Variants in NUDT3 observed in about 807,000 individuals in gnomAD.
The protein encoded by NUDT3 is nudix hydrolase 3.
NUDT3 carries 9 observed loss-of-function variants against 23.6 expected under a neutral mutation model. The ratio of observed to expected loss-of-function variants is 0.38; its 90% CI spans 0.23 to 0.66. NUDT3 has a LOEUF of 0.66. Ranked by LOEUF, NUDT3 falls within the 30% of genes least tolerant of loss-of-function variation. The pLI is 0.52. For synonymous variants in NUDT3, 86 were observed against 82.6 expected, an observed-to-expected ratio of 1.04 and a Z score of -0.22; for missense variants, 172 against 218.5, an observed-to-expected ratio of 0.79 and a Z score of 1.34.
chr6:34,304,873 T>C (rs1000166389), intron 2 of NUDT3, among the ~76,000 whole-genome samples: 1 of 150,536 alleles, frequency 6.6e-6, no homozygotes, highest in African/African-American at 2.4e-5. Context: ...GGTCTCACTA[T>C]ATTGCCCAGG....
rs180854293 is a variant in NUDT3, at chr6:34,362,360, G to A, written c.100-20388C>T. Among the ~76,000 whole-genome samples the A allele has an allele frequency of 2.6e-5, 4 of 152,104 alleles. No homozygotes were observed. The East Asian group carries it at 7.7e-4, about 29-fold the overall frequency. ...CACCTGGCTAATTTTATTTTTTGTA[G>A]AGATGGGGTCTTGCTACATTGCCCA... On this transcript the variant is annotated intron_variant, in intron 1 of 4. Transcript: ENST00000607016.
chr6:34,332,711 G>A (rs77919042), intron 2 of NUDT3, among the ~76,000 whole-genome samples: 94 of 152,216 alleles, frequency 6.2e-4, no homozygotes, highest in Non-Finnish European at 1.2e-3. Context: ...CTTGAGCATC[G>A]GCAGATTTTT....
At chr6:34,343,085 T>C (rs995610678) in intron 1 of NUDT3, among the ~76,000 whole-genome samples, 1 of 152,190 alleles carries the variant, frequency 6.6e-6, no homozygotes, top group Non-Finnish European at 1.5e-5. Context: ...CATGAATCCA[T>C]ACTCAGTCAC....
chr6:34,354,734 A>T (rs985654727), intron 1 of NUDT3, among the ~76,000 whole-genome samples: 1 of 122,586 alleles, frequency 8.2e-6, no homozygotes, highest in African/African-American at 3.0e-5. Flanking sequence ...GGGGGGAAAA[A>T]GTATATATAT....
At chr6:34,330,995 C>A (rs923585684) in intron 2 of NUDT3, among the ~76,000 whole-genome samples, 2 of 152,186 alleles carry the variant, frequency 1.3e-5, no homozygotes, top group Non-Finnish European at 2.9e-5. Context: ...GCTGGGACTA[C>A]AGGCACATGC....
intron 2 of NUDT3, among the ~76,000 whole-genome samples, chr6:34,327,528 C>CAAAAA (rs60757572): frequency 1.1e-5 from 1 of 94,112 alleles, no homozygotes; most frequent in East Asian, 2.6e-4. Context: ...GACTCCGCCT[C>CAAAAA]AAAAAAAAAA....
chr6:34,370,546 T>A, intron 1 of NUDT3, among the ~76,000 whole-genome samples: 1 of 152,286 alleles, frequency 6.6e-6, no homozygotes. Context: ...GGGTTCAGGA[T>A]GTGGGGTCAG....
chr6:34,392,528 T>G lies in NUDT3; in HGVS notation c.-166A>C. 9.1e-5 allele frequency: 42 copies of G among 462,838 alleles called. No homozygotes were observed. The highest frequency in any genetic ancestry group is 2.9e-4 in the East Asian group (7 of 24,168). 28.7% of individuals were successfully genotyped at this position (462,838 alleles called of 1,614,324 possible). A position where few individuals can be genotyped will look rare whatever the true frequency, so the allele number is the denominator to read the frequency against. On this transcript the variant is annotated 5_prime_UTR_variant, in exon 1 of 5. It removes an upstream start codon present in the reference 5' UTR. Transcript: ENST00000607016. Reference sequence around the variant, plus strand: ...CCGCTGGCCCGCCGCGGCCGCCTCATTCCCCCAGGCCCAGGTCCCGCGCCG... The same window carrying G: ...CCGCTGGCCCGCCGCGGCCGCCTCAGTCCCCCAGGCCCAGGTCCCGCGCCG...
Position 34,380,843 on chromosome 6 carries a change from C to T in NUDT3, c.99+11421G>A, listed in dbSNP as rs142087431. On this transcript the variant is annotated intron_variant, in intron 1 of 4. Transcript: ENST00000607016. Reference sequence around the variant, plus strand: ...TGCATATCTGGGCCTCTGACTTAGACGGCCCAGTGTCCTTCACCTAGGATA... The same window carrying T: ...TGCATATCTGGGCCTCTGACTTAGATGGCCCAGTGTCCTTCACCTAGGATA... Among the ~76,000 whole-genome samples, 139 of 152,262 alleles carry T rather than the reference C, an allele frequency of 9.1e-4. 1 individual carries two copies. Among genetic ancestry groups the T allele is most frequent in the African/African-American group, 2.0e-3 (85 of 41,556 alleles).
intron 2 of NUDT3, among the ~76,000 whole-genome samples, chr6:34,337,325 G>C (rs1012363520): frequency 7.9e-5 from 12 of 152,260 alleles, no homozygotes; most frequent in African/African-American, 2.9e-4. Context: ...AGTCAGAAAA[G>C]AATCACATCA....
intron 2 of NUDT3, among the ~76,000 whole-genome samples, chr6:34,305,203 A>G (rs565873813): frequency 6.6e-6 from 1 of 151,796 alleles, no homozygotes; most frequent in Non-Finnish European, 1.5e-5. Context: ...GCTGGTCTCG[A>G]ACTCCTGACT....
At chr6:34,298,594 C>G (rs1408801630) in intron 2 of NUDT3, among the ~76,000 whole-genome samples, 2 of 152,016 alleles carry the variant, frequency 1.3e-5, no homozygotes, top group Non-Finnish European at 2.9e-5. Context: ...TAGTCTTTCA[C>G]CTTGTAGAAT....
chr6:34,373,055 G>A (rs561211908), intron 1 of NUDT3, among the ~76,000 whole-genome samples: 2 of 151,898 alleles, frequency 1.3e-5, no homozygotes, highest in East Asian at 3.9e-4. Context: ...CGAGGCGGGC[G>A]AATCACAAGC....
Position 34,310,145 on chromosome 6 carries a change from A to T in NUDT3, c.211-14460T>A, listed in dbSNP as rs1763748993. Among the ~76,000 whole-genome samples the T allele has an allele frequency of 2.6e-5, 4 of 152,160 alleles. No individual in the cohort carries two copies. In the South Asian group the frequency reaches 8.3e-4, roughly 32 times the overall value. ...CTACTCAGGAGGCTGAGGCTGGAAG[A>T]CTGCTTGGGCCCAGGAGTTTGAGGC... On this transcript the variant is annotated intron_variant, in intron 2 of 4. Coordinates refer to ENST00000607016, the MANE Select transcript of NUDT3 (RefSeq NM_006703.4).
At chr6:34,312,006 T>C (rs1307772699) in intron 2 of NUDT3, among the ~76,000 whole-genome samples, 5 of 152,244 alleles carry the variant, frequency 3.3e-5, no homozygotes, top group South Asian at 2.1e-4. Context: ...TAGGTGATCG[T>C]TGGTTTGGCA....
chr6:34,351,215 A>AAAAAAAAAAAAAAAAAC (rs1561915121), intron 1 of NUDT3, among the ~76,000 whole-genome samples: 1 of 136,870 alleles, frequency 7.3e-6, no homozygotes. Flanking sequence ...AAAAAAAAAA[A>AAAAAAAAAAAAAAAAAC]AAAAAAAAAA....
chr6:34,350,480 T>C (rs1764449749), intron 1 of NUDT3, among the ~76,000 whole-genome samples: 1 of 151,064 alleles, frequency 6.6e-6, no homozygotes, highest in African/African-American at 2.5e-5. Context: ...AATGGACGTA[T>C]ACTATATTTT....
chr6:34,343,027 T>G (rs1396605086), intron 1 of NUDT3, among the ~76,000 whole-genome samples: 2 of 152,286 alleles, frequency 1.3e-5, no homozygotes, highest in Middle Eastern at 3.4e-3. Context: ...CTACAAAATA[T>G]GTGATCTGTA....
intron 3 of NUDT3, among the ~76,000 whole-genome samples, chr6:34,295,282 G>T (rs986476650): frequency 3.3e-5 from 5 of 152,028 alleles, no homozygotes; most frequent in African/African-American, 1.2e-4. Flanking sequence ...TGGCATTTTG[G>T]GAGGCTGAGG....
Sources: gnomAD v4.1 joint callset for allele counts (sites outside exome capture counted in the v4.1 genomes callset) on GRCh38, gnomAD v4.1.1 for gene constraint, MANE v1.5 for transcripts, NCBI Gene and HGNC (gene_info 2026-07-23, HGNC 2026-07-21) for gene names.